The following LRRC72 variants were observed in gnomAD, a reference collection of about 807,000 sequenced individuals.
LRRC72 encodes leucine rich repeat containing 72, also known as leucine-rich repeat-containing protein 72.
LRRC72 carries 41 observed loss-of-function variants against 35.8 expected under a neutral mutation model. The ratio of observed to expected loss-of-function variants is 1.15; its 90% CI spans 0.89 to 1.49. The LOEUF (loss-of-function observed/expected upper bound fraction) is 1.49. Ranked by LOEUF, LRRC72 falls within the 40% of genes most tolerant of loss-of-function variation. The probability of loss-of-function intolerance (pLI) is 0.00; values close to 1 mark genes in which losing one functional copy is unlikely to be tolerated. For missense variants in LRRC72, 389 were observed against 330.7 expected (o/e 1.18, Z -1.37); for synonymous variants, 118 against 119.2 (o/e 0.99, Z 0.07).
At chr7:16,567,658 A>C in intron 7 of LRRC72, 115 bp downstream of exon 7, 1 of 851,592 alleles carries the variant, frequency 1.2e-6, no homozygotes, top group Non-Finnish European at 1.7e-6. Context: ...TTAAGTATCT[A>C]TGTAATGGAA....
chr7:16,578,918 C>A (rs1783092538), intron 7 of LRRC72, among the ~76,000 whole-genome samples: 1 of 152,100 alleles, frequency 6.6e-6, no homozygotes, highest in Non-Finnish European at 1.5e-5. Flanking sequence ...AATAGTCAAA[C>A]TCATAGAAGC....
At chr7:16,542,116 T>C (rs1429239084) in intron 3 of LRRC72, among the ~76,000 whole-genome samples, 2 of 152,068 alleles carry the variant, frequency 1.3e-5, no homozygotes, top group African/African-American at 4.8e-5. Context: ...CATGTACCAA[T>C]GTCTAGAAGG....
chr7:16,560,006 AAAAT>A (rs1200592713), intron 5 of LRRC72, among the ~76,000 whole-genome samples: 2 of 152,216 alleles, frequency 1.3e-5, no homozygotes, highest in Non-Finnish European at 1.5e-5. Flanking sequence ...AGATGAGTCA[AAAAT>A]AAATAAATAA....
At chr7:16,529,095 A>C (rs1006465557) in intron 1 of LRRC72, among the ~76,000 whole-genome samples, 4 of 152,314 alleles carry the variant, frequency 2.6e-5, no homozygotes, top group Admixed American at 1.3e-4. Context: ...AGTTTTCTCC[A>C]GGCACTGATT....
chr7:16,545,856 T>C (rs1583640233), intron 3 of LRRC72, among the ~76,000 whole-genome samples: 1 of 152,208 alleles, frequency 6.6e-6, no homozygotes, highest in African/African-American at 2.4e-5. Flanking sequence ...CCAAAAAATA[T>C]AACCTATTTT....
rs148068414 is a variant in LRRC72, at chr7:16,573,469, T to A, written c.670+5926T>A. Among the ~76,000 whole-genome samples, 889 of 152,168 alleles carry A rather than the reference T, an allele frequency of 5.8e-3. 7 individuals are homozygous for A. The highest frequency in any genetic ancestry group is 0.021 in the African/African-American group (855 of 41,526). On this transcript the variant is annotated intron_variant, in intron 7 of 8. Coordinates refer to ENST00000401542, the MANE Select transcript of LRRC72 (RefSeq NM_001195280.2). ...ACCAAAACAGATATATAGACCAATG[T>A]AACAGAACAGAGGCCTCAGAAATAA...
Position 16,527,045 on chromosome 7 carries a change from A to G in LRRC72, c.90+3A>G, listed in dbSNP as rs569846491. 4,610 of 1,537,440 alleles carry G rather than the reference A, an allele frequency of 3.0e-3. 12 individuals are homozygous for G. The highest frequency in any genetic ancestry group is 3.2e-3 in the Non-Finnish European group (3,656 of 1,146,702). On this transcript the variant is annotated splice_donor_region_variant and intron_variant, in intron 1 of 8. Transcript: ENST00000401542. ...CTGCCCTACAGAGCAGTCGCCGGGT[A>G]AGCGGCACCTGCCTTCCCAAGCCAT...
intron 3 of LRRC72, among the ~76,000 whole-genome samples, chr7:16,542,729 T>C (rs1178960004): frequency 6.6e-6 from 1 of 152,212 alleles, no homozygotes; most frequent in African/African-American, 2.4e-5. Flanking sequence ...AGAATTTCCT[T>C]CTGGACAAAT....
At chr7:16,568,536 C>CT (rs1782889341) in intron 7 of LRRC72, among the ~76,000 whole-genome samples, 1 of 152,048 alleles carries the variant, frequency 6.6e-6, no homozygotes, top group Non-Finnish European at 1.5e-5. Flanking sequence ...GTAATAGTTC[C>CT]TGAAAAACAA....
At chr7:16,568,344 G>A (rs1416185044) in intron 7 of LRRC72, among the ~76,000 whole-genome samples, 1 of 152,106 alleles carries the variant, frequency 6.6e-6, no homozygotes, top group Non-Finnish European at 1.5e-5. Flanking sequence ...CTTCGCCAAA[G>A]AGACAACATA....
intron 3 of LRRC72, among the ~76,000 whole-genome samples, chr7:16,550,436 C>A (rs952156793): frequency 3.9e-5 from 6 of 152,126 alleles, no homozygotes; most frequent in Non-Finnish European, 7.3e-5. Flanking sequence ...AACTTGCACA[C>A]AGTAGTCACA....
chr7:16,566,698 G>A (rs754819569), intron 6 of LRRC72, among the ~76,000 whole-genome samples: 3 of 152,082 alleles, frequency 2.0e-5, no homozygotes, highest in Admixed American at 6.6e-5. Context: ...ATGCCAAATC[G>A]TTTACTTCCT....
chr7:16,540,311 G>A (rs575721534), intron 3 of LRRC72, among the ~76,000 whole-genome samples: 34 of 152,224 alleles, frequency 2.2e-4, no homozygotes, highest in African/African-American at 8.2e-4. Context: ...CCTTTGTTTT[G>A]GCCAATTTCT....
chr7:16,534,980 C>A (rs755850360), intron 2 of LRRC72, among the ~76,000 whole-genome samples: 4 of 152,130 alleles, frequency 2.6e-5, no homozygotes, highest in South Asian at 4.1e-4. Context: ...GGTGGATCAC[C>A]TGAGCCCAGG....
chr7:16,527,076 C>A, intron 1 of LRRC72, 34 bp downstream of exon 1: 1 of 1,510,364 alleles, frequency 6.6e-7, no homozygotes. Context: ...GCCATCAGCC[C>A]CTTTGGCCCC....
In LRRC72 at chr7:16,544,822, T is replaced by A. The variant is rs142449506; in HGVS notation, c.234+7126T>A. Among the ~76,000 whole-genome samples the A allele has an allele frequency of 1.3e-5, 2 of 152,336 alleles. 1 individual carries two copies. Among genetic ancestry groups the A allele is most frequent in the Non-Finnish European group, 2.9e-5 (2 of 68,032 alleles). The stretch of plus-strand genomic sequence containing the variant: ...TGTCTCAGATGAAGAACCTGTCTAA[T>A]GCCTCACCAAGCAAGTATTCAAAAT... On this transcript the variant is annotated intron_variant, in intron 3 of 8. Coordinates refer to ENST00000401542, the MANE Select transcript of LRRC72 (RefSeq NM_001195280.2).
At chr7:16,565,123 G>T (rs1053145921) in intron 5 of LRRC72, among the ~76,000 whole-genome samples, 1 of 152,158 alleles carries the variant, frequency 6.6e-6, no homozygotes, top group Non-Finnish European at 1.5e-5. Flanking sequence ...CCTAGAAATT[G>T]CATGTAGGTA....
At chr7:16,552,921 T>C (rs1782579798) in intron 3 of LRRC72, among the ~76,000 whole-genome samples, 1 of 152,212 alleles carries the variant, frequency 6.6e-6, no homozygotes, top group African/African-American at 2.4e-5. Flanking sequence ...AGCTGTATAA[T>C]CGTGGGTAAA....
rs1351109117 is a variant in LRRC72, at chr7:16,526,870, TGC to T, written c.-82_-81del. 5 of 1,076,976 alleles carry T rather than the reference TGC, an allele frequency of 4.6e-6. No individual in the cohort carries two copies. The highest frequency in any genetic ancestry group is 5.2e-5 in the East Asian group (2 of 38,526). The allele number at this position is 1,076,976 out of a possible 1,614,324, so 66.7% of individuals were successfully genotyped here. A position where few individuals can be genotyped will look rare whatever the true frequency, so the allele number is the denominator to read the frequency against. On this transcript the variant is annotated 5_prime_UTR_variant, in exon 1 of 9. Transcript: ENST00000401542. ...CTGTTGGTAACAGAACAACGAGCTG[TGC>T]ACCAAGCCAAGTCTCTCTTCGGTGC...
Sources: gnomAD v4.1 joint callset for allele counts (sites outside exome capture counted in the v4.1 genomes callset) on GRCh38, gnomAD v4.1.1 for gene constraint, MANE v1.5 for transcripts, NCBI Gene and HGNC (gene_info 2026-07-23, HGNC 2026-07-21) for gene names.